The following BPIFB6 variants were observed in gnomAD, a reference collection of about 807,000 sequenced individuals.
The protein encoded by BPIFB6 is BPI fold containing family B member 6.
Under a neutral mutation model 54.7 loss-of-function variants are expected in BPIFB6, and 47 were observed. The observed-to-expected ratio is 0.86, with a 90% CI of 0.68 to 1.10. The LOEUF is 1.10. Among genes scored for constraint, BPIFB6 ranks in the 50% least tolerant of loss-of-function variants. BPIFB6 has a pLI of 0.00. For missense variants in BPIFB6, 603 were observed against 564.1 expected, an observed-to-expected ratio of 1.07 and a Z score of -0.70; for synonymous variants, 255 against 225.9, an observed-to-expected ratio of 1.13 and a Z score of -1.16.
In BPIFB6 at chr20:33,032,967, A is replaced by G. The variant is rs760363904; in HGVS notation, c.98-17A>G. ...TGGCCCAGGGAAAATCTCTCCAACT[A>G]AGTGTCTCCACTCCAGAGGTCCAGA... On this transcript the variant is annotated splice_polypyrimidine_tract_variant and intron_variant, in intron 1 of 14. Coordinates refer to ENST00000349552, the MANE Select transcript of BPIFB6 (RefSeq NM_174897.2). The G allele has an allele frequency of 1.2e-6, 2 of 1,600,934 alleles. No homozygotes were observed. Among genetic ancestry groups the G allele is most frequent in the East Asian group, 4.5e-5 (2 of 44,780 alleles).
At chr20:33,037,209 TAC>T (rs1266679706) in intron 7 of BPIFB6, among the ~76,000 whole-genome samples, 2 of 152,196 alleles carry the variant, frequency 1.3e-5, no homozygotes, top group African/African-American at 4.8e-5. Context: ...GCAGGATTCT[TAC>T]ACGCCCCGTG....
rs1979522030 is a variant in BPIFB6 at position 33,040,263 on chromosome 20, A to T, written c.1087A>T (p.Lys363Ter). 6.2e-7 allele frequency: 1 copy of T among 1,614,074 alleles called. No individual in the cohort carries two copies. Among genetic ancestry groups the T allele is most frequent in the Non-Finnish European group, 8.5e-7 (1 of 1,179,982 alleles). The stretch of plus-strand genomic sequence containing the variant: ...CCCACCATGCCAGCACTTCAATCTG[A>T]AGGTCCAGTACTCAGTGCATGAGAA... ...LFLLEVHFNL[K>*]VQYSVHENQL... Residue 363 changes from lysine to a stop codon, truncating the protein, a stop_gained, in exon 11 of 15, where the codon AAG becomes TAG. Transcript: ENST00000349552. LOFTEE classifies it high-confidence loss of function.
At chr20:33,038,464 C>A (rs1408158060) in intron 8 of BPIFB6, among the ~76,000 whole-genome samples, 2 of 152,138 alleles carry the variant, frequency 1.3e-5, no homozygotes, top group East Asian at 1.9e-4. Flanking sequence ...GTCATTCATC[C>A]ACCCACCCAT....
rs1315295025 is a variant in BPIFB6 at position 33,042,843 on chromosome 20, G to A, written c.1217G>A (p.Ser406Asn). 6.2e-7 allele frequency: 1 copy of A among 1,614,206 alleles called. No homozygotes were observed. Among genetic ancestry groups the A allele is most frequent in the Admixed American group, 1.7e-5 (1 of 60,028 alleles). Residue 406 changes from serine (S) to asparagine (N), a missense_variant, in exon 13 of 15, where the codon AGC (serine) becomes AAC (asparagine). Transcript: ENST00000349552. ...NERELTGFIT[S>N]YLEEAYIPVV... is the part of the protein sequence containing the mutation. ...AGGGAATTAACTGGCTTCATCACCA[G>A]CTATCTCGAAGAAGCCTACATCCCA... is the stretch of plus-strand genomic sequence containing the variant.
Position 33,034,891 on chromosome 20 carries a change from T to C in BPIFB6, c.431T>C (p.Val144Ala), listed in dbSNP as rs971709174. 1 of 1,611,612 alleles carries C rather than the reference T, an allele frequency of 6.2e-7. No homozygotes were observed. Among genetic ancestry groups the C allele is most frequent in the East Asian group, 2.2e-5 (1 of 44,780 alleles). ...SEGCEVILVN[V>A]KTNLPSNMLP... ...GGCTGTGAGGTCATCCTGGTCAATG[T>C]GAAGACTAACCTGCCTAGCAAGTGA... Residue 144 changes from valine to alanine, a missense_variant, in exon 4 of 15, where the codon GTG becomes GCG. Transcript: ENST00000349552.
intron 12 of BPIFB6, among the ~76,000 whole-genome samples, chr20:33,042,284 T>G (rs1238670327): frequency 1.3e-5 from 2 of 152,218 alleles, no homozygotes; most frequent in African/African-American, 4.8e-5. Flanking sequence ...GGGTTGGCCT[T>G]GGTTGGCCAA....
At chr20:33,043,447 A>G in intron 14 of BPIFB6, 80 bp downstream of exon 14, 2 of 1,363,714 alleles carry the variant, frequency 1.5e-6, no homozygotes, top group Admixed American at 3.4e-5. Flanking sequence ...ACCTCTCTCA[A>G]ACTGGAAAGG....
At position 33,043,376 on chromosome 20, in the gene BPIFB6, A is replaced by T; in HGVS notation, c.1329+9A>T. Reference sequence around the variant, plus strand: ...AGCTGGACATAGTAGAGGTGAGAGGAGGGGCTAGGGGAGGTCATGTCAATC... The same window carrying T: ...AGCTGGACATAGTAGAGGTGAGAGGTGGGGCTAGGGGAGGTCATGTCAATC... On this transcript the variant is annotated intron_variant, in intron 14 of 14. Transcript: ENST00000349552. The T allele has an allele frequency of 1.2e-6, 2 of 1,613,194 alleles. No homozygotes were observed. Among genetic ancestry groups the T allele is most frequent in the Non-Finnish European group, 1.7e-6 (2 of 1,179,212 alleles).
chr20:33,040,313 GGACAGGTACGA>G lies in BPIFB6; in HGVS notation c.1138_1142+6del. On this transcript the variant is annotated splice_donor_variant and splice_donor_5th_base_variant and coding_sequence_variant and intron_variant, in exon 11 of 15. Coordinates refer to ENST00000349552, the MANE Select transcript of BPIFB6 (RefSeq NM_174897.2). LOFTEE classifies it high-confidence loss of function. Reference sequence around the variant, plus strand: ...ACCAGCTGCAGATGGCCACTTCTTTGGACAGGTACGACCCTGCTGCCCAATGCTGGCATCCC... The same window carrying G: ...ACCAGCTGCAGATGGCCACTTCTTTGCCCTGCTGCCCAATGCTGGCATCCC... 1 of 1,613,902 alleles carries G rather than the reference GGACAGGTACGA, an allele frequency of 6.2e-7. No homozygotes were observed. Among genetic ancestry groups the G allele is most frequent in the Non-Finnish European group, 8.5e-7 (1 of 1,179,902 alleles).
intron 1 of BPIFB6, among the ~76,000 whole-genome samples, chr20:33,031,999 G>A (rs770418312): frequency 2.0e-5 from 3 of 152,152 alleles, no homozygotes; most frequent in African/African-American, 4.8e-5. Context: ...GTCTCTCCTT[G>A]GCCCTGATGG....
At chr20:33,035,917 AC>A (rs1230443876) in intron 6 of BPIFB6, among the ~76,000 whole-genome samples, 1 of 152,102 alleles carries the variant, frequency 6.6e-6, no homozygotes, top group East Asian at 1.9e-4. Context: ...GACTCCAAAG[AC>A]AGCAGCCCTT....
intron 11 of BPIFB6, among the ~76,000 whole-genome samples, chr20:33,041,359 A>G (rs187344119): frequency 7.2e-5 from 11 of 152,224 alleles, no homozygotes; most frequent in Middle Eastern, 3.4e-3. Context: ...TTGAGAATCT[A>G]TCTCCTTCTT....
At chr20:33,040,158 T>C in intron 10 of BPIFB6, 93 bp from the exon 11 acceptor site, 1 of 1,111,164 alleles carries the variant, frequency 9.0e-7, no homozygotes. Context: ...TTGGCAATGG[T>C]GGTAGTGCTG....
downstream of BPIFB6, chr20:33,044,048 C>T (rs746298783): frequency 6.2e-7 from 1 of 1,614,168 alleles, no homozygotes; most frequent in Admixed American, 1.7e-5. Flanking sequence ...GCTGGGCTGA[C>T]CATGGCAGGA....
chr20:33,033,169 A>G, intron 2 of BPIFB6, 86 bp downstream of exon 2: 1 of 1,031,528 alleles, frequency 9.7e-7, no homozygotes, highest in South Asian at 1.3e-5. Flanking sequence ...CAGGCCAGGT[A>G]ATGGAGCTGG....
chr20:33,040,957 C>A (rs1394167274), intron 11 of BPIFB6, among the ~76,000 whole-genome samples: 1 of 149,828 alleles, frequency 6.7e-6, no homozygotes, highest in African/African-American at 2.4e-5. Context: ...ATCCTTGGCT[C>A]ATATAACTGA....
intron 11 of BPIFB6, 79 bp from the exon 12 acceptor site, chr20:33,041,891 C>T (rs1979601988): frequency 1.5e-6 from 2 of 1,364,374 alleles, no homozygotes; most frequent in Non-Finnish European, 2.1e-6. Flanking sequence ...GCTTGGGACC[C>T]CCTTCTCCAG....
At chr20:33,033,159 C>T (rs1367866055) in intron 2 of BPIFB6, 76 bp downstream of exon 2, 1 of 1,119,910 alleles carries the variant, frequency 8.9e-7, no homozygotes, top group Non-Finnish European at 1.4e-6. Context: ...AAGATCTTAG[C>T]AGGCCAGGTA....
chr20:33,039,243 C>A, intron 9 of BPIFB6, 104 bp from the exon 10 acceptor site: 1 of 1,205,260 alleles, frequency 8.3e-7, no homozygotes, highest in Non-Finnish European at 1.2e-6. Context: ...GTTGTACTTC[C>A]TGTGTCCAAC....
Sources: gnomAD v4.1 joint callset for allele counts (sites outside exome capture counted in the v4.1 genomes callset) on GRCh38, gnomAD v4.1.1 for gene constraint, MANE v1.5 for transcripts, NCBI Gene and HGNC (gene_info 2026-07-23, HGNC 2026-07-21) for gene names.